Variants in NEU3 observed in about 807,000 individuals in gnomAD.
The protein encoded by NEU3 is neuraminidase 3.
Under a neutral mutation model 11.4 loss-of-function variants are expected in NEU3, and 10 were observed. The ratio of observed to expected loss-of-function variants is 0.88; its 90% CI spans 0.54 to 1.49. The LOEUF (loss-of-function observed/expected upper bound fraction) is 1.49. Ranked by LOEUF, NEU3 falls within the 40% of genes most tolerant of loss-of-function variation. The probability of loss-of-function intolerance (pLI) is 0.00; values close to 1 mark genes in which losing one functional copy is unlikely to be tolerated. For synonymous variants in NEU3, 212 were observed against 228.2 expected, an observed-to-expected ratio of 0.93 and a Z score of 0.64; for missense variants, 529 against 581.8, an observed-to-expected ratio of 0.91 and a Z score of 0.93.
chr11:75,004,512 C>T (rs780207208), intron 2 of NEU3: 3 of 448,172 alleles, frequency 6.7e-6, no homozygotes, highest in Non-Finnish European at 1.2e-5. Flanking sequence ...CTGTTGGATT[C>T]CTGGAAATTT....
At chr11:74,982,152 TTGTTG>T in the NEU3 span, among the ~76,000 whole-genome samples, 2 of 152,188 alleles carry the variant, frequency 1.3e-5, no homozygotes, top group African/African-American at 4.8e-5. Flanking sequence ...CATTAGCTGT[TTGTTG>T]AGTCCAAGTA....
chr11:75,005,427 G>A lies in NEU3; in HGVS notation c.321G>A (p.Lys107=). The change falls in exon 3 of 3, where the codon AAG becomes AAA. Residue 107 remains lysine (K), a synonymous_variant. Transcript: ENST00000294064. ...IGQLVQWGPL[K]PLMEATLPGH... is the part of the protein sequence containing the mutation. ...TCCTTGTCTAGTGGGGGCCCCTGAA[G>A]CCACTGATGGAAGCCACACTACCGG... 11 of 1,609,058 alleles carry A rather than the reference G, an allele frequency of 6.8e-6. No individual in the cohort carries two copies. The highest frequency in any genetic ancestry group is 8.5e-6 in the Non-Finnish European group (10 of 1,176,594).
Position 74,988,941 on chromosome 11 carries a change from C to G in NEU3, c.-120C>G. 1 of 775,362 alleles carries G rather than the reference C, an allele frequency of 1.3e-6. No individual in the cohort carries two copies. Among genetic ancestry groups the G allele is most frequent in the South Asian group, 1.6e-5 (1 of 64,224 alleles). The allele number at this position is 775,362 out of a possible 1,614,324, so 48.0% of individuals were successfully genotyped here. ...CGTTACCTGTTTCCGGCAGTCGACA[C>G]GCTCTTCGCTTCTCGGGGCTTGTCT... On this transcript the variant is annotated 5_prime_UTR_variant, in exon 1 of 3. Coordinates refer to ENST00000294064, the MANE Select transcript of NEU3 (RefSeq NM_006656.6).
At chr11:75,001,251 C>T (rs1318026104) in intron 2 of NEU3, among the ~76,000 whole-genome samples, 4 of 150,022 alleles carry the variant, frequency 2.7e-5, no homozygotes, top group African/African-American at 4.9e-5. Context: ...TTGGCCATTA[C>T]GTTTGTTCTT....
intron 2 of NEU3, among the ~76,000 whole-genome samples, chr11:75,003,241 GC>G (rs1277247846): frequency 1.3e-5 from 2 of 152,096 alleles, no homozygotes; most frequent in African/African-American, 4.8e-5. Flanking sequence ...AGTTTACCAG[GC>G]CTTCAAGTTT....
chr11:75,015,417 G>A (rs1048378629), downstream of NEU3, among the ~76,000 whole-genome samples: 1 of 152,134 alleles, frequency 6.6e-6, no homozygotes, highest in African/African-American at 2.4e-5. Flanking sequence ...GAACTAAGAC[G>A]TGTTAGCAAT....
chr11:75,012,146 T>G (rs527738169), downstream of NEU3, among the ~76,000 whole-genome samples: 3 of 152,298 alleles, frequency 2.0e-5, no homozygotes, highest in African/African-American at 7.2e-5. Context: ...ATGCAGAGGT[T>G]TGGGGACTTA....
At chr11:74,999,258 C>T (rs375182888) in intron 2 of NEU3, among the ~76,000 whole-genome samples, 3 of 152,144 alleles carry the variant, frequency 2.0e-5, no homozygotes, top group Admixed American at 1.3e-4. Context: ...GCAATCTTCT[C>T]ACCTAAGCCT....
Position 75,008,472 on chromosome 11 carries a change from C to T in NEU3, c.*1980C>T, listed in dbSNP as rs1374242241. On this transcript the variant is annotated 3_prime_UTR_variant, in exon 3 of 3. Coordinates refer to ENST00000294064, the MANE Select transcript of NEU3 (RefSeq NM_006656.6). Reference sequence around the variant, plus strand: ...TTGTTTAGCAAAGCTTTCCTGAACACTGTACTGCAAGTGGATAGGAATAGG... The same window carrying T: ...TTGTTTAGCAAAGCTTTCCTGAACATTGTACTGCAAGTGGATAGGAATAGG... The T allele has an allele frequency of 1.3e-5, 2 of 152,064 alleles. No individual in the cohort carries two copies. The highest frequency in any genetic ancestry group is 4.8e-5 in the African/African-American group (2 of 41,366). The allele number at this position is 152,064 out of a possible 1,614,324, so 9.4% of individuals were successfully genotyped here. A position where few individuals can be genotyped will look rare whatever the true frequency, so the allele number is the denominator to read the frequency against.
At chr11:75,002,994 A>G (rs993133596) in intron 2 of NEU3, among the ~76,000 whole-genome samples, 5 of 152,228 alleles carry the variant, frequency 3.3e-5, no homozygotes, top group African/African-American at 1.2e-4. Flanking sequence ...AGTTATTATA[A>G]GTATAGATTA....
chr11:74,999,223 T>A (rs1948820557), intron 2 of NEU3, among the ~76,000 whole-genome samples: 1 of 152,160 alleles, frequency 6.6e-6, no homozygotes. Context: ...CATTGCATAC[T>A]ATAGCCTCAA....
chr11:74,993,941 C>T (rs1362982945), intron 1 of NEU3, among the ~76,000 whole-genome samples: 2 of 152,058 alleles, frequency 1.3e-5, no homozygotes, highest in African/African-American at 4.8e-5. Flanking sequence ...AGAGGCCCCA[C>T]CTCTCAACAC....
chr11:74,983,395 A>G (rs912303248), upstream of NEU3, among the ~76,000 whole-genome samples: 1 of 152,208 alleles, frequency 6.6e-6, no homozygotes, highest in Non-Finnish European at 1.5e-5. Flanking sequence ...GGTTTAGTTG[A>G]AAACTTAGTT....
chr11:74,995,060 C>T, intron 2 of NEU3: 1 of 557,556 alleles, frequency 1.8e-6, no homozygotes, highest in Non-Finnish European at 3.2e-6. Flanking sequence ...CAGAGACCTC[C>T]ACAGTTATTT....
chr11:75,018,126 T>C (rs1474882516), intron 3 of NEU3, among the ~76,000 whole-genome samples: 1 of 151,880 alleles, frequency 6.6e-6, no homozygotes, highest in East Asian at 1.9e-4. Context: ...ATTCACTAAA[T>C]TCTGAGCCTA....
In NEU3 at chr11:75,005,862, G is replaced by T; in HGVS notation, c.756G>T (p.Arg252Ser). ...CATGGCACCATGGTAGACTCATTAG[G>T]CCCATGGTTACAGTAGAATGTGAAG... ...GVTWHHGRLI[R>S]PMVTVECEVA... is the part of the protein sequence containing the mutation. The change falls in exon 3 of 3, where the codon AGG becomes AGT. Residue 252 changes from arginine to serine, a missense_variant. Transcript: ENST00000294064. The T allele has an allele frequency of 6.2e-7, 1 of 1,613,844 alleles. No homozygotes were observed. Among genetic ancestry groups the T allele is most frequent in the Non-Finnish European group, 8.5e-7 (1 of 1,179,886 alleles).
rs59676820 is a variant in NEU3, at chr11:74,995,788, G to GTAT, written c.306+1097_306+1099dup. Among the ~76,000 whole-genome samples the GTAT allele has an allele frequency of 7.2e-3, 1,059 of 147,336 alleles. 11 individuals are homozygous for GTAT. Among genetic ancestry groups the GTAT allele is most frequent in the African/African-American group, 0.019 (772 of 40,016 alleles). The stretch of plus-strand genomic sequence containing the variant: ...GGGTGGTGGTTGCTGAAGATTTAGT[G>GTAT]TATTATTATTATTATTATTATTATT... On this transcript the variant is annotated intron_variant, in intron 2 of 2. Transcript: ENST00000294064.
In NEU3 at chr11:75,006,792, G is replaced by A. The variant is rs1948904749; in HGVS notation, c.*300G>A. 3.3e-6 allele frequency: 1 copy of A among 303,234 alleles called. No homozygotes were observed. The highest frequency in any genetic ancestry group is 6.1e-6 in the Non-Finnish European group (1 of 164,008). 18.8% of individuals were successfully genotyped at this position (303,234 alleles called of 1,614,324 possible). A position where few individuals can be genotyped will look rare whatever the true frequency, so the allele number is the denominator to read the frequency against. ...TTTCCATCTGTAAAATGAGAGTATT[G>A]GTTCTAAGATTTCTCATCTTCTCAT... On this transcript the variant is annotated 3_prime_UTR_variant, in exon 3 of 3. Coordinates refer to ENST00000294064, the MANE Select transcript of NEU3 (RefSeq NM_006656.6).
upstream of NEU3, chr11:74,988,803 G>A (rs1200208967): frequency 3.8e-6 from 2 of 521,954 alleles, no homozygotes; most frequent in Non-Finnish European, 6.8e-6. Context: ...CCGAGCTGCG[G>A]GCTGGAGGGA....
Sources: gnomAD v4.1 joint callset for allele counts (sites outside exome capture counted in the v4.1 genomes callset) on GRCh38, gnomAD v4.1.1 for gene constraint, MANE v1.5 for transcripts, NCBI Gene and HGNC (gene_info 2026-07-23, HGNC 2026-07-21) for gene names.